MGST1: variants seen among roughly 807,000 people sequenced by gnomAD.
The protein encoded by MGST1 is microsomal glutathione S-transferase 1.
In MGST1, 5 loss-of-function variants were observed where a neutral mutation model predicts 8.9. That is an observed-to-expected ratio of 0.56 (90% CI 0.29 to 1.19). MGST1 has a LOEUF of 1.19. MGST1 is among the 50% of genes most tolerant of loss of function. MGST1 has a pLI of 0.08. For missense variants in MGST1, 182 were observed against 187.4 expected, an observed-to-expected ratio of 0.97 and a Z score of 0.17; for synonymous variants, 54 against 67.8, an observed-to-expected ratio of 0.80 and a Z score of 1.00.
At chr12:16,392,411 AC>A (rs774751392) in intron 1 of MGST1, among the ~76,000 whole-genome samples, 2 of 152,180 alleles carry the variant, frequency 1.3e-5, no homozygotes, top group Non-Finnish European at 2.9e-5. Context: ...TATCATGCAA[AC>A]TTTTAGGACT....
At chr12:16,390,280 A>G (rs1940540235) in intron 1 of MGST1, among the ~76,000 whole-genome samples, 2 of 152,218 alleles carry the variant, frequency 1.3e-5, no homozygotes, top group African/African-American at 4.8e-5. Context: ...AAGCTAACAC[A>G]TGCTACAAAT....
intron 3 of MGST1, among the ~76,000 whole-genome samples, chr12:16,374,718 G>T (rs1940352829): frequency 6.6e-6 from 1 of 152,038 alleles, no homozygotes; most frequent in Admixed American, 6.6e-5. Flanking sequence ...ACAGAGACTG[G>T]TTAAATAAAC....
chr12:16,483,927 A>G (rs2137148112), intron 4 of MGST1, among the ~76,000 whole-genome samples: 1 of 152,334 alleles, frequency 6.6e-6, no homozygotes, highest in Middle Eastern at 3.4e-3. Context: ...AAATATTTAC[A>G]AAAACCAGCC....
chr12:16,450,634 C>T (rs552239273), intron 4 of MGST1, among the ~76,000 whole-genome samples: 6 of 152,052 alleles, frequency 3.9e-5, no homozygotes, highest in African/African-American at 1.2e-4. Flanking sequence ...CAGTCACACT[C>T]CCACCTCTTA....
chr12:16,514,887 AC>A (rs1160327230), intron 4 of MGST1, among the ~76,000 whole-genome samples: 3 of 152,224 alleles, frequency 2.0e-5, no homozygotes, highest in Admixed American at 1.3e-4. Context: ...GTGGCTCTAA[AC>A]AAAACTCTAC....
At chr12:16,502,079 T>C (rs1389329117) in intron 4 of MGST1, among the ~76,000 whole-genome samples, 1 of 152,182 alleles carries the variant, frequency 6.6e-6, no homozygotes, top group African/African-American at 2.4e-5. Flanking sequence ...GTTTTGCTGT[T>C]TATTTTATAT....
chr12:16,399,438 C>T lies in MGST1; in HGVS notation n.778+15834C>T, dbSNP rs565022247. 2,849 of 1,540,904 alleles carry T rather than the reference C, an allele frequency of 1.8e-3. 4 individuals are homozygous for T. The highest frequency in any genetic ancestry group is 2.3e-3 in the Non-Finnish European group (2,574 of 1,114,764). ...ATAACAACTTTCTTGGTCCGCTTTT[C>T]GGGCTTCTTCCTCCAGTTCATCCCA... is the stretch of plus-strand genomic sequence containing the variant. On this transcript the variant is annotated intron_variant and non_coding_transcript_variant, in intron 1 of 1. Transcript: ENST00000359720.
rs1186587831 is a variant in MGST1 at position 16,497,152 on chromosome 12, C to T, written n.483-92376C>T. 2.0e-5 allele frequency among the ~76,000 whole-genome samples: 3 copies of T among 152,110 alleles called. No individual in the cohort carries two copies. The highest frequency in any genetic ancestry group is 6.6e-5 in the Admixed American group (1 of 15,258). ...CCACTGAATCTGCATCCTTTGCTGT[C>T]GGAATCAAATGTTTGGCATTTTAGG... is the stretch of plus-strand genomic sequence containing the variant. On this transcript the variant is annotated intron_variant and non_coding_transcript_variant, in intron 4 of 4. Coordinates refer to the MGST1 transcript ENST00000538857. The surrounding 1 kb of genome is among the most constrained non-coding windows in gnomAD (Gnocchi z 4.4).
At chr12:16,563,637 AGATCC>A (rs1481386118) in intron 4 of MGST1, among the ~76,000 whole-genome samples, 1 of 152,182 alleles carries the variant, frequency 6.6e-6, no homozygotes, top group Non-Finnish European at 1.5e-5. Flanking sequence ...AAGTTATCAT[AGATCC>A]ACTTTTCCAT....
chr12:16,496,379 A>G (rs1048908180), intron 4 of MGST1, among the ~76,000 whole-genome samples: 1 of 152,190 alleles, frequency 6.6e-6, no homozygotes, highest in East Asian at 1.9e-4. Context: ...AATCTTTAAA[A>G]TATAACGCTG....
downstream of MGST1, among the ~76,000 whole-genome samples, chr12:16,593,284 CAGT>C (rs1165322564): frequency 7.9e-5 from 12 of 151,774 alleles, no homozygotes; most frequent in Non-Finnish European, 1.5e-4. The surrounding 1 kb of genome is among the most constrained non-coding windows in gnomAD (Gnocchi z 4.2). Flanking sequence ...TTTATTTTCC[CAGT>C]AGCCCAGTTG....
chr12:16,366,039 T>C (rs556420513), downstream of MGST1, among the ~76,000 whole-genome samples: 5 of 152,280 alleles, frequency 3.3e-5, no homozygotes, highest in South Asian at 6.2e-4. This position sits in a 1 kb window ranked among gnomAD's most constrained non-coding sequence, Gnocchi z 4.0. Context: ...TCTTCTCACT[T>C]GGTGATGCTT....
At chr12:16,400,223 T>A in intron 1 of MGST1, 1 of 879,012 alleles carries the variant, frequency 1.1e-6, no homozygotes, top group Non-Finnish European at 2.0e-6. Context: ...TGCACATCCA[T>A]GTGCCACTTC....
At chr12:16,568,080 A>G (rs1859575088) in intron 4 of MGST1, among the ~76,000 whole-genome samples, 1 of 152,206 alleles carries the variant, frequency 6.6e-6, no homozygotes. Context: ...AATAGAAAAT[A>G]AAAAGGAATA....
At chr12:16,583,389 C>G (rs975000825) in intron 4 of MGST1, among the ~76,000 whole-genome samples, 1 of 151,836 alleles carries the variant, frequency 6.6e-6, no homozygotes. Flanking sequence ...TTTTACAGAA[C>G]AGAAAAATCT....
chr12:16,551,138 C>T, intron 4 of MGST1: 1 of 876,554 alleles, frequency 1.1e-6, no homozygotes, highest in Non-Finnish European at 1.9e-6. Flanking sequence ...CAGTAGGTTC[C>T]TGTGTCAATT....
chr12:16,477,141 A>G (rs569854388), intron 4 of MGST1, among the ~76,000 whole-genome samples: 1 of 152,324 alleles, frequency 6.6e-6, no homozygotes, highest in South Asian at 2.1e-4. Flanking sequence ...TTAAGATCTT[A>G]TATTCACTCA....
chr12:16,553,575 A>C (rs1457188996), intron 4 of MGST1, among the ~76,000 whole-genome samples: 1 of 152,140 alleles, frequency 6.6e-6, no homozygotes, highest in Admixed American at 6.5e-5. Context: ...ATGCATTTCA[A>C]TTTATACTTA....
At chr12:16,380,063 A>G (rs1377946209), downstream of MGST1, among the ~76,000 whole-genome samples, 1 of 152,012 alleles carries the variant, frequency 6.6e-6, no homozygotes, top group Non-Finnish European at 1.5e-5. Context: ...CTAGCGGTCT[A>G]TCAATTTTGT....
Sources: gnomAD v4.1 joint callset for allele counts (sites outside exome capture counted in the v4.1 genomes callset) on GRCh38, gnomAD v4.1.1 for gene constraint, Gnocchi (gnomAD v3.1) non-coding constraint, MANE v1.5 for transcripts, NCBI Gene and HGNC (gene_info 2026-07-23, HGNC 2026-07-21) for gene names.